SAG: variants seen among roughly 807,000 people sequenced by gnomAD.
SAG encodes the protein S-arrestin.
In SAG, 45 loss-of-function variants were observed where a neutral mutation model predicts 55.0. The observed-to-expected ratio is 0.82, with a 90% confidence interval of 0.64 to 1.05. The LOEUF is 1.05. Ranked by LOEUF, SAG falls within the 50% of genes least tolerant of loss-of-function variation. The pLI is 0.00. For missense variants in SAG, 455 were observed against 512.1 expected (o/e 0.89, Z 1.08); for synonymous variants, 189 against 197.4 (o/e 0.96, Z 0.36).
intron 3 of SAG, among the ~76,000 whole-genome samples, chr2:233,316,728 G>A (rs1469370569): frequency 6.6e-6 from 1 of 152,162 alleles, no homozygotes; most frequent in African/African-American, 2.4e-5. Context: ...GGAAAGACAG[G>A]AAGATACATT....
At chr2:233,341,836 A>G (rs7423426) in intron 13 of SAG, among the ~76,000 whole-genome samples, 55,556 of 152,082 alleles carry the variant, frequency 0.37, 12,305 homozygotes, top group Non-Finnish European at 0.49. Flanking sequence ...TAAAATGATG[A>G]AGCTGGGCAG....
intron 1 of SAG, 142 bp from the exon 2 acceptor site, chr2:233,309,020 T>A (rs975397964): frequency 1.8e-6 from 1 of 554,770 alleles, no homozygotes; most frequent in East Asian, 2.9e-5. Context: ...CCGATGAAAC[T>A]CGGATGTTGA....
At chr2:233,333,799 T>A (rs897781744) in intron 10 of SAG, 7 of 152,172 alleles carry the variant, frequency 4.6e-5, no homozygotes, top group Non-Finnish European at 1.0e-4. Context: ...CAAATTACGC[T>A]CATTAAGAGA....
chr2:233,329,146 G>C, intron 8 of SAG: 1 of 195,878 alleles, frequency 5.1e-6, no homozygotes, highest in Non-Finnish European at 8.5e-6. Context: ...ACACGTGTGT[G>C]GGTGTGCCAG....
At position 233,332,330 on chromosome 2, in the gene SAG, C is replaced by T. The variant is rs558983910; in HGVS notation, c.806+618C>T. The T allele has an allele frequency of 3.3e-5, 5 of 152,948 alleles. 1 individual carries two copies. In the East Asian group the frequency reaches 9.6e-4, roughly 29 times the overall value. The allele number at this position is 152,948 out of a possible 1,614,324, so 9.5% of individuals were successfully genotyped here. A position where few individuals can be genotyped will look rare whatever the true frequency, so the allele number is the denominator to read the frequency against. On this transcript the variant is annotated intron_variant, in intron 10 of 15. Transcript: ENST00000409110. Reference sequence around the variant, plus strand: ...CTTGGAGTGGGGGGCGATGATCTCCCACCTCCAGCCCCCCGAGAGGATAGC... The same window carrying T: ...CTTGGAGTGGGGGGCGATGATCTCCTACCTCCAGCCCCCCGAGAGGATAGC...
chr2:233,340,594 T>C lies in SAG; in HGVS notation c.1046+116T>C, dbSNP rs1444030414. 2.5e-6 allele frequency: 2 copies of C among 790,420 alleles called. No homozygotes were observed. The highest frequency in any genetic ancestry group is 4.3e-6 in the Non-Finnish European group (2 of 464,064). The allele number at this position is 790,420 out of a possible 1,614,324, so 49.0% of individuals were successfully genotyped here. ...CTTTCTGGACAGTTGTGCTCAGAGG[T>C]GTTAGGAATGATGCTTTGCCTTCGG... On this transcript the variant is annotated intron_variant, in intron 13 of 15. Coordinates refer to ENST00000409110, the MANE Select transcript of SAG (RefSeq NM_000541.5). The surrounding 1 kb of genome is among the most constrained non-coding windows in gnomAD (Gnocchi z 4.2).
chr2:233,312,926 C>G (rs994548951), intron 2 of SAG, among the ~76,000 whole-genome samples: 4 of 152,228 alleles, frequency 2.6e-5, no homozygotes, highest in African/African-American at 9.6e-5. Context: ...TTGCTGGGCT[C>G]CCAACCAAAG....
Position 233,316,072 on chromosome 2 carries a change from C to A in SAG, c.76-3C>A. 6.3e-7 allele frequency: 1 copy of A among 1,575,202 alleles called. No individual in the cohort carries two copies. On this transcript the variant is annotated splice_region_variant and splice_polypyrimidine_tract_variant and intron_variant, in intron 2 of 15. Transcript: ENST00000409110. ...CTTAGACCCACACCTGTTCTTCTTG[C>A]AGGTGACCATCTACCTGGGGAACAG...
At chr2:233,332,006 A>G (rs1283190925) in intron 10 of SAG, 17 of 412,110 alleles carry the variant, frequency 4.1e-5, no homozygotes, top group Non-Finnish European at 5.7e-5. Context: ...GGCTTTTTCT[A>G]TTTATCCTTG....
In SAG at chr2:233,320,660, A is replaced by G. The variant is rs1700350763; in HGVS notation, c.212A>G (p.Tyr71Cys). ...GTCACTCTGACCTGCGCCTTCCGCT[A>G]TGGCCAAGAGGACATTGACGTGATC... ...VYVTLTCAFRYGQEDIDVIGL... is the reference protein window; with the variant it reads ...VYVTLTCAFRCGQEDIDVIGL... The change falls in exon 5 of 16, where the codon TAT (tyrosine) becomes TGT (cysteine). Residue 71 changes from tyrosine to cysteine, a missense_variant. By Grantham distance (194) the Tyr-to-Cys change is radical. Coordinates refer to ENST00000409110, the MANE Select transcript of SAG (RefSeq NM_000541.5). 2 of 1,605,146 alleles carry G rather than the reference A, an allele frequency of 1.2e-6. No homozygotes were observed. The highest frequency in any genetic ancestry group is 1.7e-6 in the Non-Finnish European group (2 of 1,176,062).
chr2:233,328,693 GC>G, intron 8 of SAG, 80 bp downstream of exon 8: 1 of 1,438,230 alleles, frequency 7.0e-7, no homozygotes, highest in Non-Finnish European at 9.4e-7. Flanking sequence ...ACCAGCCCCA[GC>G]CCTTAACTAC....
intron 13 of SAG, among the ~76,000 whole-genome samples, chr2:233,341,340 A>G (rs144315119): frequency 4.8e-4 from 73 of 152,284 alleles, no homozygotes; most frequent in African/African-American, 1.7e-3. Flanking sequence ...CATAACCTCA[A>G]TGCCTGTCTC....
At chr2:233,335,955 C>T (rs750260396) in intron 11 of SAG, among the ~76,000 whole-genome samples, 3 of 152,206 alleles carry the variant, frequency 2.0e-5, no homozygotes, top group Non-Finnish European at 4.4e-5. Flanking sequence ...GACTCCGATG[C>T]TCAGTAGCTC....
chr2:233,326,339 C>A (rs1218768976), intron 6 of SAG, among the ~76,000 whole-genome samples: 1 of 152,174 alleles, frequency 6.6e-6, no homozygotes, highest in African/African-American at 2.4e-5. Context: ...ATAATCCCAG[C>A]ACTTTGGGAG....
At chr2:233,318,153 T>TTTTTTTC (rs1283762341) in intron 3 of SAG, among the ~76,000 whole-genome samples, 2 of 151,534 alleles carry the variant, frequency 1.3e-5, no homozygotes, top group Non-Finnish European at 2.9e-5. Context: ...CCCTGCTAAC[T>TTTTTTTC]TTTTTTCTTT....
intron 13 of SAG, among the ~76,000 whole-genome samples, chr2:233,341,605 A>G (rs1284854213): frequency 6.6e-6 from 1 of 152,244 alleles, no homozygotes. Flanking sequence ...AAGGCCACAT[A>G]TTGTATGAAT....
chr2:233,328,417 GA>G, intron 7 of SAG, 60 bp from the exon 8 acceptor site: 2 of 1,579,142 alleles, frequency 1.3e-6, no homozygotes, highest in Non-Finnish European at 1.7e-6. Context: ...GGAGAGAACA[GA>G]AGCCTCCCTA....
At chr2:233,342,476 G>C (rs1191959066) in intron 14 of SAG, 150 bp downstream of exon 14, 10 of 699,590 alleles carry the variant, frequency 1.4e-5, no homozygotes, top group Middle Eastern at 2.3e-4. Context: ...GAATAGTCTG[G>C]GGGGAAGGGA....
intron 13 of SAG, among the ~76,000 whole-genome samples, chr2:233,341,361 T>G (rs116613324): frequency 1.0e-3 from 155 of 152,320 alleles, no homozygotes; most frequent in African/African-American, 3.7e-3. Context: ...AAATGTTTCT[T>G]AACTTGCTGC....
Sources: allele counts gnomAD v4.1 joint callset (sites outside exome capture counted in the v4.1 genomes callset), GRCh38; gene constraint gnomAD v4.1.1; non-coding constraint Gnocchi (gnomAD v3.1); transcripts MANE v1.5; gene names NCBI Gene and HGNC (gene_info 2026-07-23, HGNC 2026-07-21).